TDRD12: variants seen among roughly 807,000 people sequenced by gnomAD.
The protein encoded by TDRD12 is tudor domain containing 12, also known as putative ATP-dependent RNA helicase TDRD12.
Under a neutral mutation model 133.5 loss-of-function variants are expected in TDRD12, and 158 were observed. That is an observed-to-expected ratio of 1.18 (90% confidence interval 1.04 to 1.35). The LOEUF (loss-of-function observed/expected upper bound fraction) is 1.35. Among genes scored for constraint, TDRD12 ranks in the 40% most tolerant of loss-of-function variants. The pLI is 0.00. For missense variants in TDRD12, 1,443 were observed against 1,321.3 expected (o/e 1.09, Z -1.43); for synonymous variants, 460 against 477.9 (o/e 0.96, Z 0.49).
intron 8 of TDRD12, among the ~76,000 whole-genome samples, chr19:32,761,736 C>G (rs1022001328): frequency 1.2e-4 from 18 of 152,096 alleles, no homozygotes; most frequent in African/African-American, 4.1e-4. Context: ...GTCACCTAGG[C>G]TGGAGTGCAG....
At chr19:32,809,860 T>A (rs865879526) in intron 22 of TDRD12, among the ~76,000 whole-genome samples, 10 of 152,254 alleles carry the variant, frequency 6.6e-5, no homozygotes, top group African/African-American at 2.4e-4. Context: ...ATAATGAAAT[T>A]TGCAAAATAA....
chr19:32,790,817 G>T (rs1386107205), intron 12 of TDRD12, 147 bp from the exon 13 acceptor site: 29 of 1,309,718 alleles, frequency 2.2e-5, no homozygotes, highest in South Asian at 3.1e-5. Context: ...TAGTTTGGTG[G>T]TTTTTTTTTT....
In TDRD12 at chr19:32,828,951, G is replaced by A. The variant is rs1967672702; in HGVS notation, c.*1785G>A. 1.3e-5 allele frequency: 2 copies of A among 152,248 alleles called. 1 individual carries two copies. Among genetic ancestry groups the A allele is most frequent in the South Asian group, 4.1e-4 (2 of 4,828 alleles). 9.4% of individuals were successfully genotyped at this position (152,248 alleles called of 1,614,324 possible). On this transcript the variant is annotated 3_prime_UTR_variant, in exon 10 of 10. Coordinates refer to the TDRD12 transcript ENST00000637289. ...CAGGTCACTGCTATGGCCTTCGCAG[G>A]GTGACTGGCAGGTATCAAATCAGCC...
chr19:32,776,449 G>A (rs1209132302), intron 10 of TDRD12, among the ~76,000 whole-genome samples: 10 of 152,152 alleles, frequency 6.6e-5, no homozygotes, highest in Non-Finnish European at 1.3e-4. Flanking sequence ...GAAAAACAAT[G>A]GGGATTCCCC....
In TDRD12 at chr19:32,748,115, G is replaced by A. The variant is rs756017213; in HGVS notation, c.441-361G>A. On this transcript the variant is annotated intron_variant, in intron 4 of 27. Transcript: ENST00000444215. ...TGTCGCGCCCTCTCTGTGCCAGACT[G>A]TGTTAGACACCCCACACTCAGGATC... is the stretch of plus-strand genomic sequence containing the variant. 8.5e-4 allele frequency among the ~76,000 whole-genome samples: 130 copies of A among 152,308 alleles called. 1 individual carries two copies. Among genetic ancestry groups the A allele is most frequent in the Non-Finnish European group, 2.9e-4 (20 of 68,024 alleles).
intron 11 of TDRD12, among the ~76,000 whole-genome samples, chr19:32,788,234 T>C (rs1161522697): frequency 6.6e-6 from 1 of 152,026 alleles, no homozygotes; most frequent in Non-Finnish European, 1.5e-5. Context: ...GTGATTCTCC[T>C]GCCTCAGTCT....
intron 6 of TDRD12, 127 bp downstream of exon 6, chr19:32,749,996 C>G (rs1336581034): frequency 1.5e-6 from 1 of 648,880 alleles, no homozygotes; most frequent in Non-Finnish European, 2.5e-6. Context: ...CTCTTAAGGT[C>G]TATCTTAGAC....
At chr19:32,800,898 T>A in intron 18 of TDRD12, 126 bp downstream of exon 18, 1 of 1,004,564 alleles carries the variant, frequency 1.0e-6, no homozygotes, top group Non-Finnish European at 1.4e-6. Context: ...TTAACATCAA[T>A]CAGAAGAGGA....
At chr19:32,747,374 T>C (rs1217335267) in intron 4 of TDRD12, among the ~76,000 whole-genome samples, 4 of 152,238 alleles carry the variant, frequency 2.6e-5, no homozygotes, top group Non-Finnish European at 4.4e-5. Context: ...ATATCTTTCT[T>C]ATAAGAATAA....
At chr19:32,769,225 A>G (rs959083755) in intron 8 of TDRD12, among the ~76,000 whole-genome samples, 5 of 151,200 alleles carry the variant, frequency 3.3e-5, no homozygotes, top group Admixed American at 1.3e-4. Context: ...TGCTTTCTCT[A>G]TATTTTCTAC....
chr19:32,801,135 G>C (rs1971375389), intron 18 of TDRD12, among the ~76,000 whole-genome samples: 1 of 151,568 alleles, frequency 6.6e-6, no homozygotes, highest in Non-Finnish European at 1.5e-5. Context: ...GGAGGCCAAG[G>C]TAGGAAGATT....
Position 32,756,186 on chromosome 19 carries a change from G to A in TDRD12, c.772+5G>A. On this transcript the variant is annotated splice_donor_5th_base_variant and intron_variant, in intron 7 of 27. Transcript: ENST00000444215. ...AAGATGTTCAAGGAATGGAAGGTGAGTAGATTCTCATCATATCAATTTCCC... is the reference window on the plus strand; with the variant it reads ...AAGATGTTCAAGGAATGGAAGGTGAATAGATTCTCATCATATCAATTTCCC... The A allele has an allele frequency of 1.4e-6, 2 of 1,409,316 alleles. No homozygotes were observed. Among genetic ancestry groups the A allele is most frequent in the South Asian group, 1.7e-5 (1 of 59,050 alleles). 87.3% of individuals were successfully genotyped at this position (1,409,316 alleles called of 1,614,324 possible).
exon 15 of TDRD12, chr19:32,797,844 T>G: frequency 1.4e-6 from 1 of 702,168 alleles, no homozygotes; most frequent in Non-Finnish European, 2.6e-6. Flanking sequence ...CTATTAACAA[T>G]TGGGCTCCAT....
At chr19:32,751,649 A>T (rs1969831697) in intron 6 of TDRD12, among the ~76,000 whole-genome samples, 1 of 146,840 alleles carries the variant, frequency 6.8e-6, no homozygotes. Flanking sequence ...GCACAATTGT[A>T]GCTTGCTGCA....
chr19:32,808,445 G>C (rs1054607813), intron 22 of TDRD12, among the ~76,000 whole-genome samples: 1 of 152,142 alleles, frequency 6.6e-6, no homozygotes, highest in Non-Finnish European at 1.5e-5. Context: ...TGGCGTCCTT[G>C]CATCTCCGCC....
chr19:32,766,294 T>TA (rs1488081691), intron 8 of TDRD12, among the ~76,000 whole-genome samples: 1 of 152,204 alleles, frequency 6.6e-6, no homozygotes, highest in African/African-American at 2.4e-5. Flanking sequence ...GATATTTTGA[T>TA]ACAGATATGC....
Position 32,793,505 on chromosome 19 carries a change from C to T in TDRD12, c.1288-1123C>T, listed in dbSNP as rs554344132. On this transcript the variant is annotated intron_variant, in intron 13 of 27. Transcript: ENST00000444215. ...CTGACTGCAGCTAGGGCTCAGGACT[C>T]GAGAGGACCTCACAGAGCTCATGGT... Among the ~76,000 whole-genome samples the T allele has an allele frequency of 7.2e-5, 11 of 152,104 alleles. No homozygotes were observed. In the South Asian group the frequency reaches 2.1e-3, roughly 29 times the overall value.
At chr19:32,742,490 A>G (rs1357187333) in intron 3 of TDRD12, among the ~76,000 whole-genome samples, 1 of 151,380 alleles carries the variant, frequency 6.6e-6, no homozygotes, top group Non-Finnish European at 1.5e-5. Flanking sequence ...GTTTTCCTAA[A>G]CTCCTACCCC....
chr19:32,729,644 C>G (rs1031786407), intron 1 of TDRD12, among the ~76,000 whole-genome samples: 2 of 151,242 alleles, frequency 1.3e-5, no homozygotes, highest in Non-Finnish European at 2.9e-5. Flanking sequence ...AAGTGAGATT[C>G]TTTTGTTTTC....
Sources: gnomAD v4.1 joint callset for allele counts (sites outside exome capture counted in the v4.1 genomes callset) on GRCh38, gnomAD v4.1.1 for gene constraint, MANE v1.5 for transcripts, NCBI Gene and HGNC (gene_info 2026-07-23, HGNC 2026-07-21) for gene names.